FUT8: variants seen among roughly 807,000 people sequenced by gnomAD.
FUT8 encodes alpha-(1,6)-fucosyltransferase.
A neutral mutation model predicts 71.3 loss-of-function variants in FUT8; 29 were observed. That is an observed-to-expected ratio of 0.41 (90% CI 0.30 to 0.55). The LOEUF is 0.55. FUT8 is among the 20% of genes least tolerant of loss of function. The pLI, the probability that FUT8 is intolerant of heterozygous loss-of-function variation, is 0.34. For synonymous variants in FUT8, 254 were observed against 239.3 expected, an observed-to-expected ratio of 1.06 and a Z score of -0.57; for missense variants, 544 against 702.1, an observed-to-expected ratio of 0.77 and a Z score of 2.55.
At chr14:65,544,204 TG>T (rs1413240662) in intron 2 of FUT8, among the ~76,000 whole-genome samples, 2 of 152,172 alleles carry the variant, frequency 1.3e-5, no homozygotes, top group East Asian at 3.8e-4. Context: ...TTCCAGAAAC[TG>T]GCAGAAGGCT....
chr14:65,576,696 CTTT>C (rs376473739), intron 3 of FUT8, among the ~76,000 whole-genome samples: 7 of 96,198 alleles, frequency 7.3e-5, no homozygotes, highest in African/African-American at 1.3e-4. Flanking sequence ...GCCCAGCTTG[CTTT>C]TTTTTTTTTT....
At chr14:65,491,933 CAT>C (rs1204729336) in intron 2 of FUT8, among the ~76,000 whole-genome samples, 1 of 152,088 alleles carries the variant, frequency 6.6e-6, no homozygotes, top group African/African-American at 2.4e-5. Flanking sequence ...GCTCTGGTGT[CAT>C]GTGTTGTGAT....
In FUT8 at chr14:65,428,898, A is replaced by G. The variant is rs1336818463; in HGVS notation, c.-326+15684A>G. Among the ~76,000 whole-genome samples, 9 of 152,332 alleles carry G rather than the reference A, an allele frequency of 5.9e-5. No homozygotes were observed. In the East Asian group the frequency reaches 1.5e-3, roughly 26 times the overall value. On this transcript the variant is annotated intron_variant, in intron 1 of 10. Transcript: ENST00000673929. Reference sequence around the variant, plus strand: ...GTTTGTGCCAAGCTGCACTCAAGGTAGTCAAGTGGGGTTAGATAGTTTTTC... The same window carrying G: ...GTTTGTGCCAAGCTGCACTCAAGGTGGTCAAGTGGGGTTAGATAGTTTTTC...
intron 7 of FUT8, among the ~76,000 whole-genome samples, chr14:65,692,610 A>AC (rs1239866462): frequency 1.6e-5 from 2 of 122,876 alleles, no homozygotes; most frequent in East Asian, 5.0e-4. Flanking sequence ...CGGGGGGCTG[A>AC]CCCCCACCCC....
chr14:65,738,587 C>G (rs1896339049), intron 10 of FUT8, among the ~76,000 whole-genome samples: 1 of 152,086 alleles, frequency 6.6e-6, no homozygotes, highest in African/African-American at 2.4e-5. Flanking sequence ...AAACCATGGA[C>G]TGCTCTCAGT....
intron 2 of FUT8, among the ~76,000 whole-genome samples, chr14:65,509,704 T>A (rs1260870069): frequency 6.6e-6 from 1 of 152,180 alleles, no homozygotes; most frequent in Admixed American, 6.5e-5. Flanking sequence ...GGACTGCTTT[T>A]TAAATTTCTT....
intron 1 of FUT8, among the ~76,000 whole-genome samples, chr14:65,435,623 C>T (rs2065543922): frequency 1.3e-5 from 2 of 151,026 alleles, no homozygotes; most frequent in South Asian, 2.1e-4. Flanking sequence ...GGGTAAATAC[C>T]TAGGAGCAGA....
chr14:65,588,789 A>G (rs1434599988), intron 3 of FUT8, among the ~76,000 whole-genome samples: 4 of 152,160 alleles, frequency 2.6e-5, no homozygotes, highest in Non-Finnish European at 5.9e-5. Context: ...TAATTGTTCT[A>G]TTTTATTATT....
At chr14:65,359,358 T>A in the FUT8 span, among the ~76,000 whole-genome samples, 1 of 152,190 alleles carries the variant, frequency 6.6e-6, no homozygotes, top group African/African-American at 2.4e-5. Context: ...AAATTCATCA[T>A]TTTAACTATT....
At chr14:65,424,153 T>G (rs965901936) in intron 1 of FUT8, among the ~76,000 whole-genome samples, 11 of 152,218 alleles carry the variant, frequency 7.2e-5, no homozygotes, top group African/African-American at 2.7e-4. Context: ...CACTTTTTAC[T>G]GGAATATACA....
At chr14:65,711,256 A>G (rs561424345) in intron 7 of FUT8, among the ~76,000 whole-genome samples, 61 of 152,330 alleles carry the variant, frequency 4.0e-4, no homozygotes, top group African/African-American at 1.3e-3. Context: ...GGCAGTTTTT[A>G]TTTCTTTCTT....
intron 3 of FUT8, among the ~76,000 whole-genome samples, chr14:65,590,291 G>A (rs1952827692): frequency 6.6e-6 from 1 of 152,144 alleles, no homozygotes; most frequent in South Asian, 2.1e-4. Flanking sequence ...TTTGGAATTA[G>A]AAACTTTGCA....
the FUT8 span, among the ~76,000 whole-genome samples, chr14:65,361,499 A>T: frequency 5.9e-5 from 9 of 152,024 alleles, no homozygotes; most frequent in South Asian, 1.9e-3. Context: ...CATTAAAAAT[A>T]GACTATGGCC....
intron 7 of FUT8, among the ~76,000 whole-genome samples, chr14:65,717,752 G>T (rs965152885): frequency 6.6e-6 from 1 of 150,938 alleles, no homozygotes; most frequent in African/African-American, 2.4e-5. Context: ...CTCAGACGGG[G>T]CGGCCTGGCA....
intron 1 of FUT8, among the ~76,000 whole-genome samples, chr14:65,435,425 C>G (rs59328088): frequency 2.0e-5 from 3 of 152,060 alleles, no homozygotes; most frequent in Non-Finnish European, 4.4e-5. Flanking sequence ...ATTTATGTTG[C>G]GTGTATCAAT....
At chr14:65,692,819 C>A (rs1228284618) in intron 7 of FUT8, among the ~76,000 whole-genome samples, 3 of 144,974 alleles carry the variant, frequency 2.1e-5, no homozygotes, top group Non-Finnish European at 4.6e-5. Flanking sequence ...CGCTCCTCAC[C>A]TCCCAGACGG....
chr14:65,443,206 C>T (rs1437767499), intron 1 of FUT8, among the ~76,000 whole-genome samples: 1 of 151,346 alleles, frequency 6.6e-6, no homozygotes, highest in East Asian at 2.0e-4. Flanking sequence ...GTTAGGAGAT[C>T]AAGACCATCC....
At position 65,638,946 on chromosome 14, in the gene FUT8, T is replaced by C. The variant is rs1262735457; in HGVS notation, c.597+9340T>C. Among the ~76,000 whole-genome samples the C allele has an allele frequency of 1.3e-5, 2 of 152,212 alleles. No homozygotes were observed. The highest frequency in any genetic ancestry group is 4.8e-5 in the African/African-American group (2 of 41,460). On this transcript the variant is annotated intron_variant, in intron 6 of 10. Coordinates refer to ENST00000673929, the MANE Select transcript of FUT8 (RefSeq NM_001371533.1). The surrounding 1 kb of genome is among the most constrained non-coding windows in gnomAD (Gnocchi z 4.5). ...ACTACATTAAAATATTTGCTAAATA[T>C]TTAATACAACTGGGATGGGCAGAAA...
chr14:65,523,684 T>C (rs930415933), intron 2 of FUT8, among the ~76,000 whole-genome samples: 2 of 152,242 alleles, frequency 1.3e-5, no homozygotes, highest in Admixed American at 1.3e-4. Context: ...CTAGGTTTTC[T>C]TCTGGAGTTT....
Sources: allele counts gnomAD v4.1 joint callset (sites outside exome capture counted in the v4.1 genomes callset), GRCh38; gene constraint gnomAD v4.1.1; non-coding constraint Gnocchi (gnomAD v3.1); transcripts MANE v1.5; gene names NCBI Gene and HGNC (gene_info 2026-07-23, HGNC 2026-07-21).